Variants in OVCH1 observed in about 807,000 individuals in gnomAD.
OVCH1 encodes ovochymase 1.
OVCH1 carries 139 observed loss-of-function variants against 138.4 expected under a neutral mutation model. The ratio of observed to expected loss-of-function variants is 1.00; its 90% CI spans 0.87 to 1.16. The LOEUF (loss-of-function observed/expected upper bound fraction) is 1.16, where lower values mean the gene tolerates loss of function less well. OVCH1 is among the 50% of genes most tolerant of loss of function. The pLI, the probability that OVCH1 is intolerant of heterozygous loss-of-function variation, is 0.00. For missense variants in OVCH1, 1,367 were observed against 1,357.9 expected (o/e 1.01, Z -0.11); for synonymous variants, 453 against 467.8 (o/e 0.97, Z 0.41).
downstream of OVCH1, among the ~76,000 whole-genome samples, chr12:29,409,503 T>C (rs1940925443): frequency 6.6e-6 from 1 of 152,042 alleles, no homozygotes; most frequent in African/African-American, 2.4e-5. Flanking sequence ...TTCTGGTATG[T>C]TGTGTCTTTG....
intron 14 of OVCH1, 52 bp downstream of exon 14, chr12:29,475,009 T>G: frequency 3.9e-6 from 6 of 1,532,860 alleles, no homozygotes; most frequent in Non-Finnish European, 5.3e-6. Flanking sequence ...TTATCTTCCC[T>G]GTAACCATTT....
intron 26 of OVCH1, among the ~76,000 whole-genome samples, chr12:29,434,229 G>T (rs910748752): frequency 1.3e-5 from 2 of 152,114 alleles, no homozygotes; most frequent in Non-Finnish European, 2.9e-5. Flanking sequence ...TTCCAAAAGA[G>T]AAAAGCTACT....
intron 7 of OVCH1, 131 bp from the exon 8 acceptor site, chr12:29,486,479 T>C: frequency 1.4e-6 from 1 of 710,424 alleles, no homozygotes; most frequent in Non-Finnish European, 2.2e-6. Context: ...GGGAATCTTT[T>C]CTCAGAGTCA....
At chr12:29,448,698 G>A (rs73278722) in intron 22 of OVCH1, among the ~76,000 whole-genome samples, 6,848 of 152,114 alleles carry the variant, frequency 0.045, 524 homozygotes, top group African/African-American at 0.15. Context: ...CTAATTAATT[G>A]TGTCACTGTA....
At chr12:29,416,261 ACT>A (rs1941029955) in intron 3 of OVCH1, among the ~76,000 whole-genome samples, 1 of 152,150 alleles carries the variant, frequency 6.6e-6, no homozygotes, top group Non-Finnish European at 1.5e-5. Flanking sequence ...GACAAAGAAT[ACT>A]TAGACTTGAC....
chr12:29,443,261 G>T, intron 25 of OVCH1, 100 bp downstream of exon 25: 1 of 1,173,248 alleles, frequency 8.5e-7, no homozygotes, highest in Non-Finnish European at 1.2e-6. Flanking sequence ...GAAGAGACTA[G>T]TGTATGTCAC....
At chr12:29,449,276 TACAC>T (rs10651165) in intron 22 of OVCH1, among the ~76,000 whole-genome samples, 17,248 of 137,184 alleles carry the variant, frequency 0.13, 1,143 homozygotes, top group East Asian at 0.27. Flanking sequence ...CCCCCCTCCC[TACAC>T]ACACACACAC....
intron 22 of OVCH1, among the ~76,000 whole-genome samples, chr12:29,450,446 C>T (rs932057710): frequency 1.3e-5 from 2 of 152,012 alleles, no homozygotes; most frequent in Non-Finnish European, 1.5e-5. Context: ...TAGAGAAATG[C>T]AAATTAAAAC....
intron 3 of OVCH1, among the ~76,000 whole-genome samples, chr12:29,416,079 A>AG (rs1491582392): frequency 7.3e-5 from 1 of 13,650 alleles, no homozygotes; most frequent in African/African-American, 1.6e-4. Context: ...CAAAAAAAGC[A>AG]AAAAAAAAAG....
intron 23 of OVCH1, among the ~76,000 whole-genome samples, 154 bp from the exon 24 acceptor site, chr12:29,444,434 C>T (rs1409783759): frequency 1.3e-5 from 2 of 152,010 alleles, no homozygotes. Flanking sequence ...TGAAAATTTT[C>T]TCCGTCTTAA....
chr12:29,443,426 G>T (rs762752784), exon 25 of OVCH1: 1 of 1,611,902 alleles, frequency 6.2e-7, no homozygotes, highest in Admixed American at 1.7e-5. Flanking sequence ...GACAAAAGTT[G>T]TTGGCTTCAT....
rs570019512 is a variant in OVCH1 at position 29,430,140 on chromosome 12, C to T, written c.3328-2492G>A. Among the ~76,000 whole-genome samples the T allele has an allele frequency of 8.5e-5, 13 of 152,338 alleles. 2 individuals are homozygous for T. The South Asian group carries it at 2.7e-3, about 32-fold the overall frequency. The stretch of plus-strand genomic sequence containing the variant: ...CAGTCTAGAGGTGTGTGAATTGACA[C>T]TTGATATTCAAGAGATGTGACCTAA... On this transcript the variant is annotated intron_variant, in intron 27 of 27. Transcript: ENST00000318184.
At chr12:29,411,022 T>A (rs1416207857), downstream of OVCH1, among the ~76,000 whole-genome samples, 3 of 150,656 alleles carry the variant, frequency 2.0e-5, no homozygotes, top group Non-Finnish European at 3.0e-5. Flanking sequence ...TTCTTTTTTC[T>A]CTAAACTTCC....
intron 4 of OVCH1, among the ~76,000 whole-genome samples, chr12:29,491,515 G>A (rs1459690225): frequency 6.6e-6 from 1 of 152,150 alleles, no homozygotes; most frequent in Non-Finnish European, 1.5e-5. Context: ...AAATCCAGAG[G>A]AATTAGCCAG....
chr12:29,457,468 A>G (rs897611569), intron 19 of OVCH1, among the ~76,000 whole-genome samples: 1 of 115,170 alleles, frequency 8.7e-6, no homozygotes, highest in East Asian at 2.8e-4. Context: ...CAGTGGTGTG[A>G]TCTCGGCTCA....
downstream of OVCH1, among the ~76,000 whole-genome samples, chr12:29,411,032 C>T (rs1280649051): frequency 4.8e-4 from 71 of 149,080 alleles, no homozygotes; most frequent in Non-Finnish European, 7.8e-4. Flanking sequence ...TCTAAACTTC[C>T]CGTCTCACTT....
chr12:29,425,160 G>T (rs1483288520), downstream of OVCH1, among the ~76,000 whole-genome samples: 1 of 152,202 alleles, frequency 6.6e-6, no homozygotes. Context: ...AGTTCCACAG[G>T]TGATTAAATA....
chr12:29,428,621 T>TAAG (rs1168292201), intron 27 of OVCH1, among the ~76,000 whole-genome samples: 1 of 152,184 alleles, frequency 6.6e-6, no homozygotes, highest in East Asian at 1.9e-4. Context: ...TATAATCTAA[T>TAAG]AAGAGCCATA....
At chr12:29,426,379 A>C (rs1256252038), downstream of OVCH1, among the ~76,000 whole-genome samples, 1 of 152,214 alleles carries the variant, frequency 6.6e-6, no homozygotes, top group Admixed American at 6.5e-5. Context: ...AACATGTTTG[A>C]AACTGATGAG....
Sources: allele counts gnomAD v4.1 joint callset (sites outside exome capture counted in the v4.1 genomes callset), GRCh38; gene constraint gnomAD v4.1.1; transcripts MANE v1.5; gene names NCBI Gene and HGNC (gene_info 2026-07-23, HGNC 2026-07-21).